ADGRL1: variants seen among roughly 807,000 people sequenced by gnomAD.
The protein encoded by ADGRL1 is adhesion G protein-coupled receptor L1.
ADGRL1 carries 31 observed loss-of-function variants against 148.9 expected under a neutral mutation model. The ratio of observed to expected loss-of-function variants is 0.21; its 90% CI spans 0.16 to 0.28. The LOEUF (loss-of-function observed/expected upper bound fraction) is 0.28, where lower values mean the gene tolerates loss of function less well. Ranked by LOEUF, ADGRL1 falls within the 10% of genes least tolerant of loss-of-function variation. The pLI is 1.00. For synonymous variants in ADGRL1, 937 were observed against 900.3 expected (o/e 1.04, Z -0.73); for missense variants, 1,521 against 2,058.8 (o/e 0.74, Z 5.05).
Position 14,161,379 on chromosome 19 carries a change from C to T in ADGRL1, c.1443G>A (p.Arg481=). 1 of 1,595,350 alleles carries T rather than the reference C, an allele frequency of 6.3e-7. No homozygotes were observed. Among genetic ancestry groups the T allele is most frequent in the Non-Finnish European group, 8.5e-7 (1 of 1,172,558 alleles). The change falls in exon 6 of 23, where the codon CGG becomes CGA. Residue 481 remains arginine, a synonymous_variant. Transcript: ENST00000361434. The surrounding 1 kb of genome is among the most constrained non-coding windows in gnomAD (Gnocchi z 4.4). ...PELFCEPREV[R]RVQWPATQQG... is the part of the protein sequence containing the mutation. ...GCTGGGTGGCCGGCCACTGGACCCG[C>T]CGTACCTCTCGGGGCTCGCAGAAGA...
chr19:14,195,622 C>G (rs1972211088), intron 1 of ADGRL1, among the ~76,000 whole-genome samples: 1 of 152,172 alleles, frequency 6.6e-6, no homozygotes, highest in South Asian at 2.1e-4. Context: ...CATGAGCCCG[C>G]CTCCTTCAGG....
Position 14,157,166 on chromosome 19 carries a change from G to A in ADGRL1, c.2746-21C>T, listed in dbSNP as rs771952743. 1 of 1,613,522 alleles carries A rather than the reference G, an allele frequency of 6.2e-7. No homozygotes were observed. Among genetic ancestry groups the A allele is most frequent in the Non-Finnish European group, 8.5e-7 (1 of 1,179,712 alleles). ...GCAATCTGCGGGGAGCACTGAGGGTGAGGGGCTGCTGCCTGGACAGGTGTC... is the reference window on the plus strand; with the variant it reads ...GCAATCTGCGGGGAGCACTGAGGGTAAGGGGCTGCTGCCTGGACAGGTGTC... On this transcript the variant is annotated intron_variant, in intron 14 of 22. Coordinates refer to ENST00000361434, the MANE Select transcript of ADGRL1 (RefSeq NM_014921.5). This position sits in a 1 kb window ranked among gnomAD's most constrained non-coding sequence, Gnocchi z 7.5.
chr19:14,151,104 C>A lies in ADGRL1; in HGVS notation c.4179G>T (p.Pro1393=). 1 of 1,544,816 alleles carries A rather than the reference C, an allele frequency of 6.5e-7. No individual in the cohort carries two copies. The highest frequency in any genetic ancestry group is 1.2e-5 in the South Asian group (1 of 80,622). The change falls in exon 23 of 23, where the codon CCG becomes CCT. Residue 1393 remains proline (P), a synonymous_variant. Transcript: ENST00000361434. ...CACTGGGCCCCTCAGGGCTGCTGTC[C>A]GGGTAGGAGGGTGAGTCCCGCAGGT... ...GANLRDSPSY[P]DSSPEGPSEA...
rs1263763114 is a variant in ADGRL1, at chr19:14,150,322, C to T, written c.*551G>A. The T allele has an allele frequency of 6.5e-6, 1 of 153,372 alleles. No individual in the cohort carries two copies. The highest frequency in any genetic ancestry group is 1.5e-5 in the Non-Finnish European group (1 of 68,492). 9.5% of individuals were successfully genotyped at this position (153,372 alleles called of 1,614,324 possible). A position where few individuals can be genotyped will look rare whatever the true frequency, so the allele number is the denominator to read the frequency against. Reference sequence around the variant, plus strand: ...AGCCACCACCGCCCAGTCCCCCTGCCCTGCGGCCTTTTCCCAGTCTCCAGG... The same window carrying T: ...AGCCACCACCGCCCAGTCCCCCTGCTCTGCGGCCTTTTCCCAGTCTCCAGG... On this transcript the variant is annotated 3_prime_UTR_variant, in exon 23 of 23. Coordinates refer to ENST00000361434, the MANE Select transcript of ADGRL1 (RefSeq NM_014921.5).
chr19:14,184,606 TTTTATTTA>T lies in ADGRL1; in HGVS notation c.-95-917_-95-910del, dbSNP rs74181775. On this transcript the variant is annotated intron_variant, in intron 1 of 22. Coordinates refer to ENST00000361434, the MANE Select transcript of ADGRL1 (RefSeq NM_014921.5). ...CACCACTACCACCAGCTAATTTTTA[TTTTATTTA>T]TTTATTTATTTATTTATTTATTTAT... 1.9e-3 allele frequency among the ~76,000 whole-genome samples: 197 copies of T among 103,996 alleles called. 7 individuals carry two copies. The highest frequency in any genetic ancestry group is 7.0e-3 in the South Asian group (23 of 3,300). 68.2% of individuals were successfully genotyped at this position (103,996 alleles called of 152,430 possible).
Position 14,159,308 on chromosome 19 carries a change from C to G in ADGRL1, c.2023+93G>C. 3 of 1,576,202 alleles carry G rather than the reference C, an allele frequency of 1.9e-6. No individual in the cohort carries two copies. Among genetic ancestry groups the G allele is most frequent in the Non-Finnish European group, 2.6e-6 (3 of 1,157,014 alleles). On this transcript the variant is annotated intron_variant, in intron 10 of 22. Coordinates refer to ENST00000361434, the MANE Select transcript of ADGRL1 (RefSeq NM_014921.5). This position sits in a 1 kb window ranked among gnomAD's most constrained non-coding sequence, Gnocchi z 6.0. ...CAGAACGAGACTCTGGCAAGATGCCCAAGGGTCGGATAGCCCCCCTGTGGC... is the reference window on the plus strand; with the variant it reads ...CAGAACGAGACTCTGGCAAGATGCCGAAGGGTCGGATAGCCCCCCTGTGGC...
rs768195497 is a variant in ADGRL1, at chr19:14,152,759, C to G, written c.3423+25G>C. 6.2e-7 allele frequency: 1 copy of G among 1,613,154 alleles called. No individual in the cohort carries two copies. The highest frequency in any genetic ancestry group is 1.1e-5 in the South Asian group (1 of 90,952). ...GGCTCCAGGTTCCAACACTCAGCCC[C>G]AGGGAGTCCTGTCTGGCCCGATACC... is the stretch of plus-strand genomic sequence containing the variant. On this transcript the variant is annotated intron_variant, in intron 19 of 22. Transcript: ENST00000361434. The surrounding 1 kb of genome is among the most constrained non-coding windows in gnomAD (Gnocchi z 6.1).
At position 14,156,533 on chromosome 19, in the gene ADGRL1, G is replaced by A. The variant is rs977386031; in HGVS notation, c.3033+125C>T. ...TCCTCTCAGCCGGTGGCTCAGTTCC[G>A]ATGTGTGGAGAGAGAGAGAGTGTGT... On this transcript the variant is annotated intron_variant, in intron 16 of 22. Transcript: ENST00000361434. The A allele has an allele frequency of 8.1e-6, 6 of 740,942 alleles. No individual in the cohort carries two copies. The East Asian group carries it at 1.4e-4, about 17-fold the overall frequency. 45.9% of individuals were successfully genotyped at this position (740,942 alleles called of 1,614,324 possible).
chr19:14,158,711 G>A (rs1372821409), intron 11 of ADGRL1, among the ~76,000 whole-genome samples, 159 bp from the exon 12 acceptor site: 1 of 152,204 alleles, frequency 6.6e-6, no homozygotes, highest in Non-Finnish European at 1.5e-5. Context: ...TGGGGGTCAG[G>A]GAGCCCTGTC....
Position 14,177,662 on chromosome 19 carries a change from G to T in ADGRL1, c.153C>A (p.Pro51=). 1 of 1,614,150 alleles carries T rather than the reference G, an allele frequency of 6.2e-7. No homozygotes were observed. The highest frequency in any genetic ancestry group is 8.5e-7 in the Non-Finnish European group (1 of 1,180,040). The change falls in exon 3 of 23, where the codon CCC becomes CCA. Residue 51 remains proline (P), a synonymous_variant. Coordinates refer to ENST00000361434, the MANE Select transcript of ADGRL1 (RefSeq NM_014921.5). ...CEGYPIELRC[P]GSDVIMVENA... ...TCTCCACCATGATGACGTCGCTGCC[G>T]GGGCACCGCAGCTCGATGGGGTAGC... is the stretch of plus-strand genomic sequence containing the variant.
intron 1 of ADGRL1, among the ~76,000 whole-genome samples, chr19:14,197,183 G>C (rs1464387935): frequency 6.6e-6 from 1 of 151,920 alleles, no homozygotes; most frequent in Non-Finnish European, 1.5e-5. Context: ...GAGGCAGCAG[G>C]GTCATTCAAG....
Position 14,152,054 on chromosome 19 carries a change from T to G in ADGRL1, c.3667+79A>C. 7.2e-7 allele frequency: 1 copy of G among 1,385,862 alleles called. No homozygotes were observed. The highest frequency in any genetic ancestry group is 1.0e-6 in the Non-Finnish European group (1 of 972,376). 85.8% of individuals were successfully genotyped at this position (1,385,862 alleles called of 1,614,324 possible). ...GGGAGGCATCCCGAGTTCTCCTCCTTAAGTGAGGCCGTCTGAGAAGGCCAC... is the reference window on the plus strand; with the variant it reads ...GGGAGGCATCCCGAGTTCTCCTCCTGAAGTGAGGCCGTCTGAGAAGGCCAC... On this transcript the variant is annotated intron_variant, in intron 22 of 22. Coordinates refer to ENST00000361434, the MANE Select transcript of ADGRL1 (RefSeq NM_014921.5). The surrounding 1 kb of genome is among the most constrained non-coding windows in gnomAD (Gnocchi z 6.1).
At position 14,156,706 on chromosome 19, in the gene ADGRL1, G is replaced by A. The variant is rs1251963598; in HGVS notation, c.2985C>T (p.Asp995=). ...GTEKACWLRV[D]NYFIWSFIGP... ...CGATGAAACTCCAGATGAAGTAATTGTCCACTCGGAGCCAGCAGCTGTAAA... is the reference window on the plus strand; with the variant it reads ...CGATGAAACTCCAGATGAAGTAATTATCCACTCGGAGCCAGCAGCTGTAAA... The change falls in exon 16 of 23, where the codon GAC becomes GAT. Residue 995 remains aspartate, a synonymous_variant. Transcript: ENST00000361434. 5.6e-6 allele frequency: 9 copies of A among 1,610,986 alleles called. No individual in the cohort carries two copies. The South Asian group carries it at 9.9e-5, about 18-fold the overall frequency.
At chr19:14,170,851 G>T (rs1970410850) in intron 3 of ADGRL1, 60 bp from the exon 4 acceptor site, 4 of 828,756 alleles carry the variant, frequency 4.8e-6, no homozygotes, top group Admixed American at 2.0e-5. Flanking sequence ...CGGGGGTGGG[G>T]GTGCATGCTC....
rs775247072 is a variant in ADGRL1 at position 14,152,118 on chromosome 19, AAG to A, written c.3667+13_3667+14del. ...CCCAGCCTCAGAAACATCCCCAGGG[AAG>A]AGTCACACTTACTGGGTTCCCGGTA... On this transcript the variant is annotated intron_variant, in intron 22 of 22. Coordinates refer to ENST00000361434, the MANE Select transcript of ADGRL1 (RefSeq NM_014921.5). This position sits in a 1 kb window ranked among gnomAD's most constrained non-coding sequence, Gnocchi z 6.1. 1 of 1,612,316 alleles carries A rather than the reference AAG, an allele frequency of 6.2e-7. No individual in the cohort carries two copies. The highest frequency in any genetic ancestry group is 1.3e-5 in the African/African-American group (1 of 74,870).
intron 2 of ADGRL1, among the ~76,000 whole-genome samples, chr19:14,183,222 A>AGC (rs1386351242): frequency 3.4e-5 from 5 of 146,572 alleles, no homozygotes; most frequent in African/African-American, 1.2e-4. Flanking sequence ...AGAGAGCGAG[A>AGC]GAGAGACAGA....
At chr19:14,158,292 G>T (rs199941026) in intron 12 of ADGRL1, 46 bp downstream of exon 12, 36 of 1,582,370 alleles carry the variant, frequency 2.3e-5, no homozygotes, top group Non-Finnish European at 2.9e-5. Flanking sequence ...TGGGAACACA[G>T]AGGGTACAGG....
At chr19:14,166,990 G>GT in intron 4 of ADGRL1, 1 of 1,610,536 alleles carries the variant, frequency 6.2e-7, no homozygotes, top group South Asian at 1.1e-5. Context: ...TGAGTTAGGG[G>GT]TTAGCATTGG....
chr19:14,160,279 C>T lies in ADGRL1; in HGVS notation c.1633G>A (p.Ala545Thr). The T allele has an allele frequency of 6.3e-7, 1 of 1,591,710 alleles. No homozygotes were observed. Among genetic ancestry groups the T allele is most frequent in the Non-Finnish European group, 8.6e-7 (1 of 1,161,986 alleles). The change falls in exon 8 of 23, where the codon GCG becomes ACG. Residue 545 changes from alanine to threonine, a missense_variant. Physicochemically the swap from Ala to Thr is moderately conservative, Grantham distance 58 (BLOSUM62 0). Coordinates refer to ENST00000361434, the MANE Select transcript of ADGRL1 (RefSeq NM_014921.5). The surrounding 1 kb of genome is among the most constrained non-coding windows in gnomAD (Gnocchi z 5.9). Reference sequence around the variant, plus strand: ...GCCAGCTCGCTGGCGATGTTGGCCGCGTTCTCCCCACTCTTGATCTGCATG... The same window carrying T: ...GCCAGCTCGCTGGCGATGTTGGCCGTGTTCTCCCCACTCTTGATCTGCATG... ...VAQKIKSGENAANIASELARH... is the reference protein window; with the variant it reads ...VAQKIKSGENTANIASELARH...
Sources: gnomAD v4.1 joint callset for allele counts (sites outside exome capture counted in the v4.1 genomes callset) on GRCh38, gnomAD v4.1.1 for gene constraint, Gnocchi (gnomAD v3.1) non-coding constraint, MANE v1.5 for transcripts, NCBI Gene and HGNC (gene_info 2026-07-23, HGNC 2026-07-21) for gene names.